Variants in EMC1 observed in about 807,000 individuals in gnomAD.
The protein encoded by EMC1 is ER membrane protein complex subunit 1.
Under a neutral mutation model 128.8 loss-of-function variants are expected in EMC1, and 103 were observed. The observed-to-expected ratio is 0.80, with a 90% confidence interval of 0.68 to 0.94. The LOEUF is 0.94. Ranked by LOEUF, EMC1 falls within the 40% of genes least tolerant of loss-of-function variation. The pLI, the probability that EMC1 is intolerant of heterozygous loss-of-function variation, is 0.00. For synonymous variants in EMC1, 442 were observed against 490.4 expected (o/e 0.90, Z 1.30); for missense variants, 1,083 against 1,250.6 (o/e 0.87, Z 2.02).
intron 1 of EMC1, 51 bp downstream of exon 1, chr1:19,251,364 G>T: frequency 6.7e-7 from 1 of 1,493,058 alleles, no homozygotes; most frequent in Non-Finnish European, 9.3e-7. Flanking sequence ...TAGGAGACAG[G>T]TACTGGGGAA....
rs890138942 is a variant in EMC1, at chr1:19,240,831, C to T, written c.636+185G>A. The T allele has an allele frequency of 7.5e-6, 5 of 667,720 alleles. No homozygotes were observed. The Admixed American group carries it at 1.1e-4, about 15-fold the overall frequency. 41.4% of individuals were successfully genotyped at this position (667,720 alleles called of 1,614,324 possible). On this transcript the variant is annotated intron_variant, in intron 6 of 22. Coordinates refer to ENST00000477853, the MANE Select transcript of EMC1 (RefSeq NM_015047.3). ...ATTTTTTAGCCACCCCAGAAGATAACACATGCAAATATGAGTACTTTAAAT... is the reference window on the plus strand; with the variant it reads ...ATTTTTTAGCCACCCCAGAAGATAATACATGCAAATATGAGTACTTTAAAT...
Position 19,231,404 on chromosome 1 carries a change from G to A in EMC1, c.1801C>T (p.Leu601=), listed in dbSNP as rs777399449. The change falls in exon 16 of 23, where the codon CTG becomes TTG. Residue 601 remains leucine, a synonymous_variant. Coordinates refer to ENST00000477853, the MANE Select transcript of EMC1 (RefSeq NM_015047.3). ...VKDKESGMSS[L]YVFNPIFGKW... is the part of the protein sequence containing the mutation. The stretch of plus-strand genomic sequence containing the variant: ...CCAAAAATGGGATTGAAGACATACA[G>A]AGAACTCATTCCCGACTCCTAAAAT... 2 of 1,611,568 alleles carry A rather than the reference G, an allele frequency of 1.2e-6. No homozygotes were observed. Among genetic ancestry groups the A allele is most frequent in the Non-Finnish European group, 1.7e-6 (2 of 1,179,486 alleles).
chr1:19,216,303 G>A lies in EMC1; in HGVS notation c.*3000C>T, dbSNP rs1038049212. ...ATTTTCAAATTGAAAGATGCCTTAC[G>A]GAGCACATAACATGTACCCACACAC... On this transcript the variant is annotated 3_prime_UTR_variant, in exon 23 of 23. Coordinates refer to ENST00000477853, the MANE Select transcript of EMC1 (RefSeq NM_015047.3). The A allele has an allele frequency of 4.0e-5, 6 of 151,310 alleles. No individual in the cohort carries two copies. Among genetic ancestry groups the A allele is most frequent in the African/African-American group, 1.2e-4 (5 of 41,228 alleles). The allele number at this position is 151,310 out of a possible 1,614,324, so 9.4% of individuals were successfully genotyped here.
At chr1:19,248,803 G>A (rs137945255) in intron 1 of EMC1, among the ~76,000 whole-genome samples, 30 of 152,222 alleles carry the variant, frequency 2.0e-4, no homozygotes, top group Non-Finnish European at 4.0e-4. Context: ...TAGCCACTGC[G>A]CCCGGCCTGT....
At chr1:19,237,030 C>T in intron 12 of EMC1, 112 bp downstream of exon 12, 1 of 732,206 alleles carries the variant, frequency 1.4e-6, no homozygotes. Flanking sequence ...ACTCAGGGCA[C>T]ACTCCACTTG....
At chr1:19,232,546 G>T (rs1350865877) in intron 15 of EMC1, 78 bp downstream of exon 15, 1 of 1,527,268 alleles carries the variant, frequency 6.5e-7, no homozygotes, top group Non-Finnish European at 9.0e-7. Flanking sequence ...CAATTCCAAG[G>T]GCCTAGGAGC....
At chr1:19,227,810 C>G (rs41307872) in intron 17 of EMC1, among the ~76,000 whole-genome samples, 2,188 of 152,250 alleles carry the variant, frequency 0.014, 30 homozygotes, top group Non-Finnish European at 0.024. Context: ...CCACTGCACT[C>G]CAGCCTGAGT....
At chr1:19,232,155 G>T (rs924764885) in intron 15 of EMC1, among the ~76,000 whole-genome samples, 3 of 152,134 alleles carry the variant, frequency 2.0e-5, no homozygotes, top group Non-Finnish European at 4.4e-5. Flanking sequence ...CCAGCTACTC[G>T]GGAGGCTGAG....
At chr1:19,231,079 T>C in intron 16 of EMC1, 116 bp from the exon 17 acceptor site, 1 of 1,425,692 alleles carries the variant, frequency 7.0e-7, no homozygotes, top group Non-Finnish European at 9.6e-7. Flanking sequence ...TTACATTCAG[T>C]TCTGTTAAGA....
intron 10 of EMC1, among the ~76,000 whole-genome samples, chr1:19,238,566 G>A (rs1012406300): frequency 6.6e-6 from 1 of 152,190 alleles, no homozygotes; most frequent in Admixed American, 6.5e-5. Context: ...AAATGGGGAC[G>A]CTGAGGCCCA....
At chr1:19,238,934 T>C (rs1394847796) in intron 9 of EMC1, 77 bp from the exon 10 acceptor site, 1 of 1,086,044 alleles carries the variant, frequency 9.2e-7, no homozygotes, top group Non-Finnish European at 1.4e-6. Flanking sequence ...CTTTTGTTTT[T>C]GTCTTCTTAG....
At position 19,242,005 on chromosome 1, in the gene EMC1, G is replaced by A. The variant is rs1430811660; in HGVS notation, c.509+340C>T. ...AGTTGTTCTAACTCTTAATATGAAC[G>A]AAAGGCTCAGTCAGAACTAGAACTA... On this transcript the variant is annotated intron_variant, in intron 5 of 22. Coordinates refer to ENST00000477853, the MANE Select transcript of EMC1 (RefSeq NM_015047.3). 5.9e-5 allele frequency among the ~76,000 whole-genome samples: 9 copies of A among 152,208 alleles called. No individual in the cohort carries two copies. In the East Asian group the frequency reaches 1.2e-3, roughly 20 times the overall value.
In EMC1 at chr1:19,219,619, G is replaced by A. The variant is rs139335524; in HGVS notation, c.2752C>T (p.Arg918Ter). The A allele has an allele frequency of 4.3e-6, 7 of 1,613,168 alleles. No homozygotes were observed. The highest frequency in any genetic ancestry group is 2.2e-5 in the East Asian group (1 of 44,806). Residue 918 changes from arginine to a stop codon, truncating the protein, a stop_gained, in exon 22 of 23, where the codon CGA becomes TGA. Transcript: ENST00000477853. LOFTEE classifies it high-confidence loss of function. ...RFINYNQTVS[R>*]MRGIYTAPSG... ...GGAGCTGTGTAGATACCTCGCATTC[G>A]AGAAACTGTCTGGTTATAGTTGATG...
At chr1:19,237,484 A>T (rs1324205425) in intron 11 of EMC1, among the ~76,000 whole-genome samples, 1 of 152,142 alleles carries the variant, frequency 6.6e-6, no homozygotes, top group Non-Finnish European at 1.5e-5. Context: ...GTACCACGCC[A>T]TTCATCCATG....
At chr1:19,224,838 A>T (rs886727556) in intron 18 of EMC1, among the ~76,000 whole-genome samples, 2 of 152,032 alleles carry the variant, frequency 1.3e-5, no homozygotes, top group African/African-American at 4.8e-5. Context: ...CTCCTCACTC[A>T]TCATCTTCTA....
At chr1:19,244,232 C>A (rs1415087365) in intron 2 of EMC1, among the ~76,000 whole-genome samples, 1 of 152,092 alleles carries the variant, frequency 6.6e-6, no homozygotes, top group Non-Finnish European at 1.5e-5. Context: ...CCCACTACCA[C>A]CCCATCAAAC....
rs1207314880 is a variant in EMC1, at chr1:19,219,035, T to C, written c.*268A>G. ...ATGGATGGGCAAAGAAAGGAAACAA[T>C]GCAGACGCCTTTGGACTTCAAGAGA... On this transcript the variant is annotated 3_prime_UTR_variant, in exon 23 of 23. Coordinates refer to ENST00000477853, the MANE Select transcript of EMC1 (RefSeq NM_015047.3). The C allele has an allele frequency of 5.4e-6, 2 of 367,342 alleles. No individual in the cohort carries two copies. Among genetic ancestry groups the C allele is most frequent in the Non-Finnish European group, 9.9e-6 (2 of 201,792 alleles). The allele number at this position is 367,342 out of a possible 1,614,324, so 22.8% of individuals were successfully genotyped here.
intron 20 of EMC1, chr1:19,221,547 A>C (rs1287876732): frequency 6.6e-6 from 1 of 151,950 alleles, no homozygotes; most frequent in African/African-American, 2.4e-5. Context: ...GAGGCAGGAG[A>C]ATCACTTGAA....
rs2093602804 is a variant in EMC1, at chr1:19,241,070, G to A, written c.582C>T (p.Phe194=). The A allele has an allele frequency of 6.2e-7, 1 of 1,614,114 alleles. No individual in the cohort carries two copies. Among genetic ancestry groups the A allele is most frequent in the African/African-American group, 1.3e-5 (1 of 75,026 alleles). ...TAAACTTGACAATGTTCACATGGCT[G>A]AAGGGAACAACTCCGAGGGCCCACA... ...GVVWALGVVP[F]SHVNIVKFNV... Residue 194 remains phenylalanine (F), a synonymous_variant, in exon 6 of 23, where the codon TTC becomes TTT. Transcript: ENST00000477853.
Sources: allele counts gnomAD v4.1 joint callset (sites outside exome capture counted in the v4.1 genomes callset), GRCh38; gene constraint gnomAD v4.1.1; transcripts MANE v1.5; gene names NCBI Gene and HGNC (gene_info 2026-07-23, HGNC 2026-07-21).